Variants in CAP2 observed in about 807,000 individuals in gnomAD.
CAP2 encodes the protein cyclase associated actin cytoskeleton regulatory protein 2, also known as adenylyl cyclase-associated protein 2.
Under a neutral mutation model 57.7 loss-of-function variants are expected in CAP2, and 24 were observed. The ratio of observed to expected loss-of-function variants is 0.42; its 90% CI spans 0.30 to 0.58. The LOEUF is 0.58. CAP2 is among the 20% of genes least tolerant of loss of function. The probability of loss-of-function intolerance (pLI) is 0.22; values close to 1 mark genes in which losing one functional copy is unlikely to be tolerated. For missense variants in CAP2, 501 were observed against 590.3 expected (o/e 0.85, Z 1.57); for synonymous variants, 194 against 207.2 (o/e 0.94, Z 0.55).
chr6:17,464,461 C>G (rs954771499), intron 4 of CAP2, among the ~76,000 whole-genome samples: 2 of 152,078 alleles, frequency 1.3e-5, no homozygotes, highest in African/African-American at 4.8e-5. Context: ...AGACCAGAGA[C>G]CTGAGACCCT....
intron 12 of CAP2, among the ~76,000 whole-genome samples, chr6:17,552,519 C>G (rs1033941429): frequency 6.6e-6 from 1 of 152,158 alleles, no homozygotes; most frequent in Admixed American, 6.5e-5. Context: ...TGAATCCCAG[C>G]TACTCGGGAG....
rs558887286 is a variant in CAP2 at position 17,401,973 on chromosome 6, G to A, written c.-2+8227G>A. On this transcript the variant is annotated intron_variant, in intron 1 of 12. Transcript: ENST00000229922. ...AAAAAGAGACTTGTTAATAGTGTGA[G>A]TCTCTATATAATATATAATTGGGGA... 3.3e-5 allele frequency among the ~76,000 whole-genome samples: 5 copies of A among 152,278 alleles called. No individual in the cohort carries two copies. In the East Asian group the frequency reaches 5.8e-4, roughly 18 times the overall value.
intron 7 of CAP2, chr6:17,536,100 G>T (rs1762766362): frequency 2.3e-6 from 1 of 426,050 alleles, no homozygotes; most frequent in Admixed American, 2.5e-5. Context: ...ACTACATACA[G>T]GTGTGAGCCT....
At chr6:17,447,228 C>G (rs74804681) in intron 3 of CAP2, among the ~76,000 whole-genome samples, 3,663 of 151,706 alleles carry the variant, frequency 0.024, 164 homozygotes, top group African/African-American at 0.084. Flanking sequence ...CTATGTTTCC[C>G]ATACTGGTAT....
chr6:17,413,227 G>A lies in CAP2; in HGVS notation c.-1-8328G>A, dbSNP rs1223512844. Reference sequence around the variant, plus strand: ...TCCAGTTTCATGAAACATTGAGAGTGTTCTTTTTCTTATATAACTTTCTGG... The same window carrying A: ...TCCAGTTTCATGAAACATTGAGAGTATTCTTTTTCTTATATAACTTTCTGG... On this transcript the variant is annotated intron_variant, in intron 1 of 12. Coordinates refer to ENST00000229922, the MANE Select transcript of CAP2 (RefSeq NM_006366.3). 8.5e-5 allele frequency among the ~76,000 whole-genome samples: 13 copies of A among 152,150 alleles called. 1 individual carries two copies. In the South Asian group the frequency reaches 1.9e-3, roughly 22 times the overall value.
intron 8 of CAP2, 124 bp downstream of exon 8, chr6:17,539,582 G>T (rs565140002): frequency 1.5e-5 from 11 of 724,104 alleles, no homozygotes; most frequent in East Asian, 5.4e-5. Context: ...TGCAGGGAGA[G>T]GGGGAACTGG....
At chr6:17,434,220 T>TC (rs2113550916) in intron 3 of CAP2, among the ~76,000 whole-genome samples, 1 of 148,982 alleles carries the variant, frequency 6.7e-6, no homozygotes, top group Admixed American at 6.6e-5. Context: ...TCTTTTTTTT[T>TC]CTCTTTTTTT....
chr6:17,525,388 T>C (rs6938240), intron 7 of CAP2, among the ~76,000 whole-genome samples: 53,467 of 151,262 alleles, frequency 0.35, 10,517 homozygotes, highest in African/African-American at 0.54. Context: ...GTTGAACCTG[T>C]GAGGCGGAGG....
intron 3 of CAP2, among the ~76,000 whole-genome samples, chr6:17,429,324 A>G (rs1199480010): frequency 2.0e-5 from 3 of 152,256 alleles, no homozygotes; most frequent in African/African-American, 7.2e-5. Context: ...TATGGTTACT[A>G]TTCATTAATG....
chr6:17,429,102 T>TA (rs1384353680), intron 3 of CAP2, among the ~76,000 whole-genome samples: 1 of 152,234 alleles, frequency 6.6e-6, no homozygotes, highest in African/African-American at 2.4e-5. Flanking sequence ...CTATTGTTAC[T>TA]ACTCTAGTCT....
intron 9 of CAP2, 46 bp from the exon 10 acceptor site, chr6:17,542,791 G>C: frequency 2.0e-6 from 3 of 1,510,304 alleles, no homozygotes; most frequent in African/African-American, 1.4e-5. Flanking sequence ...AGTGGTTTCT[G>C]TTTATATATG....
chr6:17,532,951 G>A (rs1428220237), intron 7 of CAP2, among the ~76,000 whole-genome samples: 2 of 150,984 alleles, frequency 1.3e-5, no homozygotes, highest in African/African-American at 4.9e-5. Flanking sequence ...TGTAATCCCA[G>A]CTACTCGGGA....
intron 4 of CAP2, among the ~76,000 whole-genome samples, chr6:17,476,750 G>C (rs1761157383): frequency 6.6e-6 from 1 of 151,936 alleles, no homozygotes; most frequent in African/African-American, 2.4e-5. Flanking sequence ...TCCTATCCCT[G>C]TGGCTTGTCA....
Position 17,556,355 on chromosome 6 carries a change from C to T in CAP2, c.1351-4C>T. ...ATAACTTTGTTGTTCTTGCCTTTTT[C>T]CAGAGAGAATTTCCCATTCCTGAAC... On this transcript the variant is annotated splice_region_variant and splice_polypyrimidine_tract_variant and intron_variant, in intron 12 of 12. Transcript: ENST00000229922. 6.2e-7 allele frequency: 1 copy of T among 1,604,956 alleles called. No individual in the cohort carries two copies. The highest frequency in any genetic ancestry group is 8.5e-7 in the Non-Finnish European group (1 of 1,172,432).
intron 11 of CAP2, 139 bp from the exon 12 acceptor site, chr6:17,551,325 C>T: frequency 1.6e-6 from 1 of 616,128 alleles, no homozygotes; most frequent in East Asian, 2.8e-5. Flanking sequence ...ATTAACTCAC[C>T]TCCCCAGCTT....
chr6:17,535,344 G>A (rs910061122), intron 7 of CAP2, among the ~76,000 whole-genome samples: 4 of 149,050 alleles, frequency 2.7e-5, no homozygotes, highest in Admixed American at 6.8e-5. Context: ...GCGCAATCTC[G>A]GCTCACTGCA....
At chr6:17,450,055 C>CTT (rs560454962) in intron 3 of CAP2, among the ~76,000 whole-genome samples, 16 of 144,442 alleles carry the variant, frequency 1.1e-4, no homozygotes, top group African/African-American at 3.3e-4. Flanking sequence ...TCAGTTCTAC[C>CTT]TTTTTTTTTT....
At chr6:17,458,146 A>AT (rs1331988308) in intron 3 of CAP2, among the ~76,000 whole-genome samples, 1 of 152,242 alleles carries the variant, frequency 6.6e-6, no homozygotes, top group African/African-American at 2.4e-5. Flanking sequence ...AAAATACTGC[A>AT]TAGCTCAGAG....
intron 4 of CAP2, among the ~76,000 whole-genome samples, chr6:17,493,749 A>C (rs1761598861): frequency 1.3e-5 from 2 of 151,174 alleles, no homozygotes; most frequent in Admixed American, 1.3e-4. Flanking sequence ...AGTGGAGACC[A>C]GAAAGGAACT....
Sources: gnomAD v4.1 joint callset for allele counts (sites outside exome capture counted in the v4.1 genomes callset) on GRCh38, gnomAD v4.1.1 for gene constraint, MANE v1.5 for transcripts, NCBI Gene and HGNC (gene_info 2026-07-23, HGNC 2026-07-21) for gene names.